The following COL4A1 variants were observed in gnomAD, a reference collection of about 807,000 sequenced individuals.
COL4A1 encodes collagen type IV alpha 1 chain, also known as collagen alpha-1(IV) chain.
In COL4A1, 40 loss-of-function variants were observed where a neutral mutation model predicts 216.6. That is an observed-to-expected ratio of 0.18 (90% CI 0.14 to 0.24). The LOEUF is 0.24. Among genes scored for constraint, COL4A1 ranks in the 10% least tolerant of loss-of-function variants. The pLI is 1.00. For missense variants in COL4A1, 1,628 were observed against 2,196.8 expected (o/e 0.74, Z 5.18); for synonymous variants, 839 against 810.7 (o/e 1.03, Z -0.59).
intron 49 of COL4A1, among the ~76,000 whole-genome samples, chr13:110,157,236 G>A (rs1876827556): frequency 6.6e-6 from 1 of 152,234 alleles, no homozygotes; most frequent in Non-Finnish European, 1.5e-5. Flanking sequence ...CAATCCAGCG[G>A]TCTTTTCGTC....
chr13:110,260,421 G>GA, intron 1 of COL4A1, among the ~76,000 whole-genome samples: 2 of 152,258 alleles, frequency 1.3e-5, no homozygotes, highest in Admixed American at 1.3e-4. Flanking sequence ...TGTGGGTGGG[G>GA]ATACAGTGAA....
intron 1 of COL4A1, among the ~76,000 whole-genome samples, chr13:110,259,644 T>C (rs1882735187): frequency 6.6e-6 from 1 of 152,148 alleles, no homozygotes; most frequent in Non-Finnish European, 1.5e-5. Context: ...ACTTTCTGGT[T>C]CATAAAAACA....
At chr13:110,227,402 A>ACACG (rs998643920) in intron 2 of COL4A1, among the ~76,000 whole-genome samples, 2 of 144,068 alleles carry the variant, frequency 1.4e-5, no homozygotes, top group African/African-American at 5.1e-5. Context: ...ACACACACAC[A>ACACG]CACACACACA....
At chr13:110,169,460 GAA>G (rs1439793925) in intron 43 of COL4A1, among the ~76,000 whole-genome samples, 167 bp downstream of exon 43, 4 of 149,788 alleles carry the variant, frequency 2.7e-5, no homozygotes, top group African/African-American at 7.4e-5. Flanking sequence ...TGGCAAGAAA[GAA>G]AGAAAGAACT....
intron 15 of COL4A1, 128 bp from the exon 16 acceptor site, chr13:110,205,666 C>A (rs1879475512): frequency 1.0e-6 from 1 of 976,822 alleles, no homozygotes; most frequent in Non-Finnish European, 1.6e-6. Context: ...AGTTCGAGAC[C>A]AGCCTGGCCA....
At chr13:110,297,647 T>C (rs184261600) in intron 1 of COL4A1, among the ~76,000 whole-genome samples, 2 of 152,280 alleles carry the variant, frequency 1.3e-5, no homozygotes, top group Admixed American at 1.3e-4. Flanking sequence ...ATGAAAAGAT[T>C]TGGAGCCAGA....
At chr13:110,192,958 GAAGTCTCCGC>G (rs772467401) in intron 22 of COL4A1, 45 bp from the exon 23 acceptor site, 9 of 1,560,128 alleles carry the variant, frequency 5.8e-6, no homozygotes, top group Non-Finnish European at 7.1e-6. Context: ...CATGTGACCA[GAAGTCTCCGC>G]AGTGCACTGA....
At chr13:110,280,835 C>T (rs111743233) in intron 1 of COL4A1, among the ~76,000 whole-genome samples, 12 of 152,142 alleles carry the variant, frequency 7.9e-5, no homozygotes, top group East Asian at 3.9e-4. Context: ...ATTCTTTCAA[C>T]GAACACATGT....
intron 1 of COL4A1, among the ~76,000 whole-genome samples, chr13:110,270,559 C>T (rs537129595): frequency 1.3e-5 from 2 of 152,186 alleles, no homozygotes; most frequent in African/African-American, 2.4e-5. Context: ...ATTGTAGGGT[C>T]GTTTCATGGC....
At chr13:110,165,364 C>T (rs982787387) in intron 45 of COL4A1, among the ~76,000 whole-genome samples, 1 of 152,154 alleles carries the variant, frequency 6.6e-6, no homozygotes, top group Non-Finnish European at 1.5e-5. Context: ...GCGATTAGGA[C>T]ATTTTTCCCA....
chr13:110,289,999 C>T (rs1364197782), intron 1 of COL4A1, among the ~76,000 whole-genome samples: 1 of 152,096 alleles, frequency 6.6e-6, no homozygotes, highest in African/African-American at 2.4e-5. Flanking sequence ...TGAAAAGGGG[C>T]GTGAAGGGAA....
intron 1 of COL4A1, among the ~76,000 whole-genome samples, chr13:110,306,196 G>A (rs944938356): frequency 6.6e-5 from 10 of 152,120 alleles, no homozygotes; most frequent in Non-Finnish European, 1.2e-4. Context: ...ATAACCAAAG[G>A]AAATGAAAAC....
chr13:110,181,455 CT>C, intron 28 of COL4A1, 66 bp from the exon 29 acceptor site: 1 of 1,425,760 alleles, frequency 7.0e-7, no homozygotes, highest in Non-Finnish European at 9.7e-7. Context: ...CCGTTCCCCA[CT>C]TTCTTCACTT....
chr13:110,162,101 C>T (rs937884976), intron 48 of COL4A1, 129 bp downstream of exon 48: 31 of 899,410 alleles, frequency 3.4e-5, no homozygotes, highest in Admixed American at 8.5e-5. Context: ...CACTGGCTAC[C>T]GCCCTCATGG....
chr13:110,167,034 G>A (rs1283889630), intron 44 of COL4A1, 124 bp downstream of exon 44: 1 of 820,040 alleles, frequency 1.2e-6, no homozygotes, highest in African/African-American at 1.7e-5. Context: ...TTAATTTGAA[G>A]AGAACAGTAT....
chr13:110,219,862 ATGTGTGTGTATATATGTATATATATG>A (rs1566385889), intron 2 of COL4A1, among the ~76,000 whole-genome samples: 2,950 of 98,238 alleles, frequency 0.03, 112 homozygotes, highest in African/African-American at 0.075. Context: ...ATATGTATAT[ATGTGTGTGTATATATGTATATATATG>A]TGTGTATATA....
intron 2 of COL4A1, among the ~76,000 whole-genome samples, chr13:110,221,060 T>C (rs1374109383): frequency 1.3e-5 from 2 of 152,220 alleles, no homozygotes; most frequent in African/African-American, 4.8e-5. Context: ...GAGATTTCTA[T>C]TGGACAAATC....
In COL4A1 at chr13:110,229,280, A is replaced by T. The variant is rs3825469; in HGVS notation, c.144+13395T>A. On this transcript the variant is annotated intron_variant, in intron 2 of 51. Coordinates refer to ENST00000375820, the MANE Select transcript of COL4A1 (RefSeq NM_001845.6). ...GCTCTAGAAAGGCCAGTAACAGTAG[A>T]GTGTTGAAGTACCTCCAGCTTCACA... Among the ~76,000 whole-genome samples the T allele has an allele frequency of 2.5e-3, 374 of 152,348 alleles. 1 individual carries two copies. The East Asian group carries it at 0.032, about 13-fold the overall frequency.
chr13:110,247,270 C>G lies in COL4A1; in HGVS notation c.85-4536G>C, dbSNP rs533033311. On this transcript the variant is annotated intron_variant, in intron 1 of 51. Transcript: ENST00000375820. ...CAGAAAAGAAAATAATAATAATAGT[C>G]CCCAGTGGACTCTGTCAGACACACA... 5.9e-5 allele frequency among the ~76,000 whole-genome samples: 9 copies of G among 152,212 alleles called. No homozygotes were observed. In the South Asian group the frequency reaches 1.9e-3, roughly 32 times the overall value.
Sources: allele counts gnomAD v4.1 joint callset (sites outside exome capture counted in the v4.1 genomes callset), GRCh38; gene constraint gnomAD v4.1.1; transcripts MANE v1.5; gene names NCBI Gene and HGNC (gene_info 2026-07-23, HGNC 2026-07-21).